The following FBXL13 variants were observed in gnomAD, a reference collection of about 807,000 sequenced individuals.
The protein encoded by FBXL13 is F-box and leucine-rich repeat protein 13.
Under a neutral mutation model 83.6 loss-of-function variants are expected in FBXL13, and 67 were observed. That is an observed-to-expected ratio of 0.80 (90% confidence interval 0.66 to 0.98). The LOEUF (loss-of-function observed/expected upper bound fraction) is 0.98. Ranked by LOEUF, FBXL13 falls within the 50% of genes least tolerant of loss-of-function variation. The probability of loss-of-function intolerance (pLI) is 0.00; values close to 1 mark genes in which losing one functional copy is unlikely to be tolerated. For synonymous variants in FBXL13, 272 were observed against 299.5 expected, an observed-to-expected ratio of 0.91 and a Z score of 0.95; for missense variants, 822 against 866.5, an observed-to-expected ratio of 0.95 and a Z score of 0.64.
Position 102,935,141 on chromosome 7 carries a change from C to A in FBXL13, c.725-3208G>T, listed in dbSNP as rs10235663. Among the ~76,000 whole-genome samples the A allele has an allele frequency of 3.7e-3, 566 of 151,418 alleles. 5 individuals are homozygous for A. Among genetic ancestry groups the A allele is most frequent in the African/African-American group, 0.014 (559 of 41,144 alleles). On this transcript the variant is annotated intron_variant, in intron 8 of 19. Transcript: ENST00000313221. ...TGCAGGACAGGACTGTGAGAGCACT[C>A]TGAGACAGAGTGAAAGTGATGGCCC...
chr7:103,028,262 AC>A (rs1794152615), intron 4 of FBXL13, among the ~76,000 whole-genome samples: 1 of 152,208 alleles, frequency 6.6e-6, no homozygotes, highest in Admixed American at 6.5e-5. Flanking sequence ...AAACCTCTTT[AC>A]AAAAATAGTC....
chr7:102,893,559 G>A (rs1180097682), intron 11 of FBXL13, among the ~76,000 whole-genome samples: 1 of 152,148 alleles, frequency 6.6e-6, no homozygotes, highest in African/African-American at 2.4e-5. Context: ...AAGGTCAGGA[G>A]ATTGAGACCA....
intron 18 of FBXL13, among the ~76,000 whole-genome samples, chr7:102,832,433 C>G (rs1487897384): frequency 6.6e-6 from 1 of 152,168 alleles, no homozygotes; most frequent in African/African-American, 2.4e-5. Flanking sequence ...CTGGTATAAA[C>G]TGTAACCCCA....
intron 17 of FBXL13, among the ~76,000 whole-genome samples, chr7:102,837,186 G>A (rs1802136546): frequency 6.6e-6 from 1 of 152,220 alleles, no homozygotes; most frequent in Admixed American, 6.5e-5. Context: ...CTGGGCATCA[G>A]AGCAAGTGGG....
upstream of FBXL13, chr7:103,074,717 G>A: frequency 7.8e-7 from 1 of 1,289,844 alleles, no homozygotes; most frequent in Admixed American, 2.3e-5. Flanking sequence ...GAGGAATGTA[G>A]TTCTCCTTGA....
intron 17 of FBXL13, among the ~76,000 whole-genome samples, chr7:102,847,103 A>G (rs1423028912): frequency 6.6e-6 from 1 of 152,158 alleles, no homozygotes; most frequent in Non-Finnish European, 1.5e-5. Flanking sequence ...CATATTGTCT[A>G]TGGCTGTTTC....
intron 6 of FBXL13, among the ~76,000 whole-genome samples, chr7:102,998,607 C>T (rs1053512496): frequency 1.4e-4 from 22 of 152,024 alleles, no homozygotes; most frequent in Middle Eastern, 3.4e-3. Flanking sequence ...TTTTTTTATC[C>T]TGCAACTTTA....
intron 8 of FBXL13, among the ~76,000 whole-genome samples, chr7:102,940,216 TG>T (rs947323549): frequency 1.7e-4 from 24 of 140,972 alleles, no homozygotes; most frequent in African/African-American, 6.4e-4. Flanking sequence ...TTTTTTTGTT[TG>T]TTTTTTTTTT....
intron 6 of FBXL13, among the ~76,000 whole-genome samples, chr7:102,998,769 C>A (rs1340090499): frequency 1.3e-5 from 2 of 151,804 alleles, no homozygotes; most frequent in East Asian, 3.9e-4. Context: ...GAATTCGAGA[C>A]TAGCCTGGGT....
At chr7:102,877,735 G>T in intron 15 of FBXL13, 142 bp from the exon 17 acceptor site, 1 of 764,942 alleles carries the variant, frequency 1.3e-6, no homozygotes, top group Non-Finnish European at 2.0e-6. Flanking sequence ...AAGACTAAAA[G>T]TAGAAAGTAA....
chr7:102,991,788 G>C (rs566060789), intron 6 of FBXL13, among the ~76,000 whole-genome samples: 1 of 152,158 alleles, frequency 6.6e-6, no homozygotes, highest in Non-Finnish European at 1.5e-5. Context: ...CATTCCAATG[G>C]AACATTGTAT....
intron 6 of FBXL13, among the ~76,000 whole-genome samples, chr7:103,004,166 T>A (rs1790723404): frequency 6.6e-6 from 1 of 152,246 alleles, no homozygotes; most frequent in African/African-American, 2.4e-5. Flanking sequence ...AGTCTTGCTG[T>A]CTAGCTTGTT....
intron 16 of FBXL13, among the ~76,000 whole-genome samples, chr7:102,855,934 A>C (rs1000228648): frequency 8.0e-5 from 12 of 149,684 alleles, no homozygotes; most frequent in African/African-American, 2.9e-4. Flanking sequence ...AAAATGTTTT[A>C]TTTAAGCCTC....
At chr7:102,963,801 G>GA (rs1825656925) in intron 7 of FBXL13, 136 bp from the exon 9 acceptor site, 1 of 786,034 alleles carries the variant, frequency 1.3e-6, no homozygotes, top group African/African-American at 1.8e-5. Context: ...CAATAGAGAA[G>GA]ACAGACAACC....
intron 11 of FBXL13, among the ~76,000 whole-genome samples, chr7:102,894,666 C>G (rs537085756): frequency 3.7e-4 from 55 of 150,528 alleles, no homozygotes; most frequent in African/African-American, 1.3e-3. Context: ...GAGTTTGAGG[C>G]TACAGTGAGC....
chr7:103,003,282 T>G (rs78959688), intron 6 of FBXL13, among the ~76,000 whole-genome samples: 5 of 111,628 alleles, frequency 4.5e-5, no homozygotes, highest in Admixed American at 8.8e-5. Context: ...TTTGGGGTTT[T>G]TTTTTTTTTT....
chr7:102,990,658 C>G (rs1278399443), intron 6 of FBXL13, among the ~76,000 whole-genome samples: 1 of 152,130 alleles, frequency 6.6e-6, no homozygotes, highest in African/African-American at 2.4e-5. Flanking sequence ...CTAACCAAGA[C>G]TGAGAGAGAG....
intron 1 of FBXL13, among the ~76,000 whole-genome samples, chr7:103,059,500 A>G (rs187989417): frequency 2.6e-5 from 4 of 152,204 alleles, no homozygotes; most frequent in African/African-American, 9.6e-5. Flanking sequence ...AAACATTCCC[A>G]TAAGATTAAC....
chr7:103,037,693 G>C (rs920807322), intron 2 of FBXL13, among the ~76,000 whole-genome samples: 3 of 151,898 alleles, frequency 2.0e-5, no homozygotes, highest in African/African-American at 7.3e-5. Context: ...AGTAGTCCCA[G>C]CTACTCAGGA....
Sources: allele counts gnomAD v4.1 joint callset (sites outside exome capture counted in the v4.1 genomes callset), GRCh38; gene constraint gnomAD v4.1.1; transcripts MANE v1.5; gene names NCBI Gene and HGNC (gene_info 2026-07-23, HGNC 2026-07-21).